KIF6: variants seen among roughly 807,000 people sequenced by gnomAD.
KIF6 encodes kinesin family member 6.
A neutral mutation model predicts 112.7 loss-of-function variants in KIF6; 106 were observed. The ratio of observed to expected loss-of-function variants is 0.94; its 90% CI spans 0.80 to 1.11. KIF6 has a LOEUF of 1.11. KIF6 is among the 50% of genes least tolerant of loss of function. The probability of loss-of-function intolerance (pLI) is 0.00; values close to 1 mark genes in which losing one functional copy is unlikely to be tolerated. For synonymous variants in KIF6, 339 were observed against 339.9 expected (o/e 1.00, Z 0.03); for missense variants, 929 against 964.0 (o/e 0.96, Z 0.48).
intron 13 of KIF6, among the ~76,000 whole-genome samples, chr6:39,478,512 T>C (rs192384131): frequency 1.3e-5 from 2 of 152,328 alleles, no homozygotes; most frequent in East Asian, 1.9e-4. Context: ...TGTGCTAGTA[T>C]CTTTTTTGTA....
intron 13 of KIF6, among the ~76,000 whole-genome samples, chr6:39,442,667 G>C (rs976983444): frequency 6.6e-6 from 1 of 152,204 alleles, no homozygotes; most frequent in Non-Finnish European, 1.5e-5. Context: ...CGTAGATGTG[G>C]CAGCACTGAA....
In KIF6 at chr6:39,640,688, A is replaced by G. The variant is rs139446787; in HGVS notation, c.252-931T>C. ...TCCTATCTACAGTTCTATGTTTCAT[A>G]TGCTTTCATGCCTGTGTGTTGAGTG... On this transcript the variant is annotated intron_variant, in intron 3 of 22. Transcript: ENST00000287152. Among the ~76,000 whole-genome samples, 1,185 of 152,190 alleles carry G rather than the reference A, an allele frequency of 7.8e-3. 19 individuals are homozygous for G. The highest frequency in any genetic ancestry group is 0.027 in the African/African-American group (1,127 of 41,550).
chr6:39,657,240 A>G (rs1785850578), intron 3 of KIF6, among the ~76,000 whole-genome samples: 1 of 144,442 alleles, frequency 6.9e-6, no homozygotes, highest in Non-Finnish European at 1.5e-5. Flanking sequence ...TCTCAAAAAA[A>G]AAAGAAAAAA....
chr6:39,555,926 C>T (rs1779682199), intron 10 of KIF6, among the ~76,000 whole-genome samples: 1 of 138,968 alleles, frequency 7.2e-6, no homozygotes, highest in Non-Finnish European at 1.5e-5. Flanking sequence ...TGCACTCCAG[C>T]CTGGGCGACA....
chr6:39,358,609 G>A (rs188722053), intron 18 of KIF6, among the ~76,000 whole-genome samples: 15 of 152,326 alleles, frequency 9.8e-5, no homozygotes, highest in African/African-American at 3.4e-4. Flanking sequence ...ACTCCCTCGG[G>A]CACCAGCTGG....
chr6:39,354,579 T>C (rs1298433643), intron 19 of KIF6, among the ~76,000 whole-genome samples: 1 of 152,190 alleles, frequency 6.6e-6, no homozygotes, highest in Non-Finnish European at 1.5e-5. Flanking sequence ...TACAAGTCAT[T>C]TGACCTACTT....
intron 3 of KIF6, among the ~76,000 whole-genome samples, chr6:39,687,643 A>C (rs1787951331): frequency 6.6e-6 from 1 of 152,174 alleles, no homozygotes; most frequent in Non-Finnish European, 1.5e-5. Context: ...ATTTTAATAC[A>C]TTTTGTTAGT....
At chr6:39,685,934 G>A (rs1254903499) in intron 3 of KIF6, among the ~76,000 whole-genome samples, 2 of 152,142 alleles carry the variant, frequency 1.3e-5, no homozygotes, top group African/African-American at 2.4e-5. Flanking sequence ...AGATACTGAC[G>A]TTTTTAATGA....
chr6:39,357,146 C>A, intron 19 of KIF6, 131 bp downstream of exon 19: 2 of 597,100 alleles, frequency 3.3e-6, no homozygotes, highest in Admixed American at 3.1e-5. Context: ...ACTAATTAAA[C>A]AGTAAAAGGA....
At position 39,670,853 on chromosome 6, in the gene KIF6, C is replaced by T. The variant is rs553974576; in HGVS notation, c.252-31096G>A. ...GTAGGCTTTGAGCACCCTCCCCAAA[C>T]CAACCATATGAGGGCATTGTAGATG... On this transcript the variant is annotated intron_variant, in intron 3 of 22. Transcript: ENST00000287152. Among the ~76,000 whole-genome samples, 3 of 152,246 alleles carry T rather than the reference C, an allele frequency of 2.0e-5. No homozygotes were observed. The South Asian group carries it at 6.2e-4, about 32-fold the overall frequency.
intron 13 of KIF6, among the ~76,000 whole-genome samples, chr6:39,531,193 C>T (rs1778041367): frequency 6.6e-6 from 1 of 152,176 alleles, no homozygotes; most frequent in South Asian, 2.1e-4. Flanking sequence ...AAACTTTAAC[C>T]TCATTTGTAT....
chr6:39,602,499 T>C (rs892156770), intron 6 of KIF6, among the ~76,000 whole-genome samples: 1 of 152,174 alleles, frequency 6.6e-6, no homozygotes, highest in Non-Finnish European at 1.5e-5. Flanking sequence ...TTATGCGTCA[T>C]TGCCTAGCAT....
chr6:39,598,852 G>C (rs1327224893), intron 6 of KIF6, among the ~76,000 whole-genome samples: 1 of 151,976 alleles, frequency 6.6e-6, no homozygotes, highest in Non-Finnish European at 1.5e-5. Flanking sequence ...AAAATAGCAA[G>C]TTAAATAATG....
intron 3 of KIF6, among the ~76,000 whole-genome samples, chr6:39,659,538 G>C (rs891530888): frequency 6.6e-6 from 1 of 152,106 alleles, no homozygotes; most frequent in African/African-American, 2.4e-5. Flanking sequence ...TAATCCCCAC[G>C]TGTTGTGGGA....
At chr6:39,355,044 T>C (rs140920749) in intron 19 of KIF6, among the ~76,000 whole-genome samples, 98 of 152,184 alleles carry the variant, frequency 6.4e-4, no homozygotes, top group African/African-American at 2.2e-3. Context: ...AAATTAGCCA[T>C]GTATGGTGGC....
chr6:39,432,966 G>A (rs943955950), intron 13 of KIF6, among the ~76,000 whole-genome samples: 21 of 152,118 alleles, frequency 1.4e-4, no homozygotes, highest in Admixed American at 1.2e-3. Context: ...ACCAACAGAG[G>A]TGTGGGGGTG....
intron 13 of KIF6, among the ~76,000 whole-genome samples, chr6:39,477,687 C>A (rs1774518579): frequency 6.6e-6 from 1 of 151,920 alleles, no homozygotes. Context: ...ATAGTGAAAC[C>A]CCATCTCTAC....
intron 9 of KIF6, among the ~76,000 whole-genome samples, chr6:39,579,049 T>C (rs1404812640): frequency 1.3e-5 from 2 of 152,218 alleles, no homozygotes; most frequent in African/African-American, 4.8e-5. Context: ...CTATGAACAT[T>C]ATGAATCTCT....
chr6:39,537,901 G>C (rs1778540374), intron 13 of KIF6, among the ~76,000 whole-genome samples: 1 of 152,152 alleles, frequency 6.6e-6, no homozygotes, highest in Non-Finnish European at 1.5e-5. Flanking sequence ...AGAGCCCTCA[G>C]AAATAATGCC....
Sources: gnomAD v4.1 joint callset for allele counts (sites outside exome capture counted in the v4.1 genomes callset) on GRCh38, gnomAD v4.1.1 for gene constraint, MANE v1.5 for transcripts, NCBI Gene and HGNC (gene_info 2026-07-23, HGNC 2026-07-21) for gene names.